The following SND1 variants were observed in gnomAD, a reference collection of about 807,000 sequenced individuals.
The protein encoded by SND1 is staphylococcal nuclease and tudor domain containing 1.
Under a neutral mutation model 121.7 loss-of-function variants are expected in SND1, and 38 were observed. The observed-to-expected ratio is 0.31, with a 90% confidence interval of 0.24 to 0.41. The LOEUF (loss-of-function observed/expected upper bound fraction) is 0.41, where lower values mean the gene tolerates loss of function less well. SND1 is among the 10% of genes least tolerant of loss of function. The pLI is 1.00. For missense variants in SND1, 868 were observed against 1,184.6 expected (o/e 0.73, Z 3.92); for synonymous variants, 401 against 447.4 (o/e 0.90, Z 1.31).
At chr7:127,740,744 T>C (rs1399119399) in intron 10 of SND1, among the ~76,000 whole-genome samples, 4 of 152,178 alleles carry the variant, frequency 2.6e-5, no homozygotes, top group African/African-American at 9.7e-5. Context: ...ATGCTTCTGA[T>C]GTGCAGCTAG....
At chr7:127,977,719 C>G (rs12534918) in intron 15 of SND1, among the ~76,000 whole-genome samples, 31,646 of 152,038 alleles carry the variant, frequency 0.21, 3,683 homozygotes, top group Middle Eastern at 0.3. Flanking sequence ...GTAGATCGAT[C>G]AGAAGATTCT....
intron 2 of SND1, among the ~76,000 whole-genome samples, chr7:127,688,559 A>G (rs1274349607): frequency 1.3e-5 from 2 of 151,464 alleles, no homozygotes; most frequent in Admixed American, 6.6e-5. Flanking sequence ...AAAAAAAAAA[A>G]AAAAAAGAAA....
intron 16 of SND1, among the ~76,000 whole-genome samples, chr7:128,001,017 T>C (rs953131175): frequency 6.6e-6 from 1 of 152,228 alleles, no homozygotes; most frequent in Non-Finnish European, 1.5e-5. Context: ...CCTGTGTCTG[T>C]TGCCAAGGAC....
At chr7:127,708,954 A>G (rs1029101196) in intron 9 of SND1, among the ~76,000 whole-genome samples, 4 of 152,298 alleles carry the variant, frequency 2.6e-5, no homozygotes, top group African/African-American at 4.8e-5. Flanking sequence ...CTTTTAAGCA[A>G]CCTCTGAGGA....
chr7:127,826,068 A>T (rs1468870025), intron 11 of SND1, among the ~76,000 whole-genome samples: 2 of 152,028 alleles, frequency 1.3e-5, no homozygotes, highest in African/African-American at 4.8e-5. Flanking sequence ...GCAGGTGCCC[A>T]TAATCCCAGC....
At chr7:127,903,679 T>A (rs1399703219) in intron 13 of SND1, among the ~76,000 whole-genome samples, 1 of 152,146 alleles carries the variant, frequency 6.6e-6, no homozygotes, top group African/African-American at 2.4e-5. Context: ...TTATGAGGGT[T>A]TACTTTAGAA....
chr7:127,799,538 A>G (rs1270573537), intron 10 of SND1, among the ~76,000 whole-genome samples: 2 of 152,254 alleles, frequency 1.3e-5, no homozygotes, highest in Non-Finnish European at 2.9e-5. Context: ...GTCCTACACA[A>G]GCCACAATGA....
chr7:127,683,963 C>T (rs1007090419), intron 1 of SND1, among the ~76,000 whole-genome samples: 2 of 152,186 alleles, frequency 1.3e-5, no homozygotes, highest in East Asian at 3.8e-4. Context: ...GAGTTTTGCA[C>T]AATTACTGTG....
chr7:127,939,208 G>A (rs1458912480), intron 15 of SND1, among the ~76,000 whole-genome samples: 2 of 152,178 alleles, frequency 1.3e-5, no homozygotes, highest in Non-Finnish European at 2.9e-5. Flanking sequence ...CTGGTGGTAC[G>A]GTGTACCATC....
intron 16 of SND1, among the ~76,000 whole-genome samples, chr7:128,048,461 C>A (rs34393727): frequency 0.063 from 9,630 of 152,160 alleles, 388 homozygotes; most frequent in Middle Eastern, 0.18. Flanking sequence ...ATGTATGACG[C>A]CTCAATTTAG....
At chr7:128,022,540 C>T (rs942149727) in intron 16 of SND1, among the ~76,000 whole-genome samples, 3 of 152,224 alleles carry the variant, frequency 2.0e-5, no homozygotes, top group Non-Finnish European at 2.9e-5. Flanking sequence ...CCCCACAGGC[C>T]TAGGCCAAAT....
chr7:127,871,985 T>G (rs1387417432), intron 12 of SND1, among the ~76,000 whole-genome samples: 2 of 151,944 alleles, frequency 1.3e-5, no homozygotes, highest in African/African-American at 4.8e-5. Context: ...TTTAAAAGAT[T>G]AGCCAGGTGT....
intron 10 of SND1, among the ~76,000 whole-genome samples, chr7:127,747,622 G>C (rs56033933): frequency 6.6e-6 from 1 of 152,116 alleles, no homozygotes; most frequent in Non-Finnish European, 1.5e-5. Flanking sequence ...TCAGCACCTG[G>C]TTGTGACATA....
intron 15 of SND1, among the ~76,000 whole-genome samples, chr7:127,987,064 T>C (rs1038129344): frequency 7.2e-5 from 11 of 152,236 alleles, no homozygotes; most frequent in African/African-American, 2.7e-4. Flanking sequence ...TGGTATGTTA[T>C]CAGAAAAGAC....
chr7:127,989,006 A>G (rs574867969), intron 15 of SND1, among the ~76,000 whole-genome samples: 6 of 152,370 alleles, frequency 3.9e-5, no homozygotes, highest in African/African-American at 1.4e-4. Flanking sequence ...ATAAAAAGAA[A>G]AGTGTTTTTG....
At chr7:127,671,891 A>G (rs1265167344) in intron 1 of SND1, among the ~76,000 whole-genome samples, 1 of 152,254 alleles carries the variant, frequency 6.6e-6, no homozygotes, top group African/African-American at 2.4e-5. Context: ...AAACAGTGAA[A>G]TAAACAGTAG....
At chr7:128,006,015 G>C (rs1000259544) in intron 16 of SND1, among the ~76,000 whole-genome samples, 1 of 152,166 alleles carries the variant, frequency 6.6e-6, no homozygotes, top group Non-Finnish European at 1.5e-5. Context: ...TTTTGCCAAA[G>C]GTGCAAAGGT....
At chr7:127,953,429 C>G (rs902329577) in intron 15 of SND1, among the ~76,000 whole-genome samples, 2 of 152,002 alleles carry the variant, frequency 1.3e-5, no homozygotes, top group African/African-American at 4.8e-5. Context: ...TTCCCACCTA[C>G]TTCTATTTTT....
chr7:127,667,213 C>G (rs1344066406), intron 1 of SND1, among the ~76,000 whole-genome samples: 1 of 152,128 alleles, frequency 6.6e-6, no homozygotes, highest in Admixed American at 6.5e-5. Context: ...ATGATTCACT[C>G]TGAGTAATAC....
Sources: gnomAD v4.1 joint callset for allele counts (sites outside exome capture counted in the v4.1 genomes callset) on GRCh38, gnomAD v4.1.1 for gene constraint, MANE v1.5 for transcripts, NCBI Gene and HGNC (gene_info 2026-07-23, HGNC 2026-07-21) for gene names.